The following MCF2 variants were observed in gnomAD, a reference collection of about 807,000 sequenced individuals.
MCF2 encodes the protein proto-oncogene DBL.
MCF2 carries 44 observed loss-of-function variants against 82.5 expected under a neutral mutation model. The observed-to-expected ratio is 0.53, with a 90% confidence interval of 0.42 to 0.69. The LOEUF (loss-of-function observed/expected upper bound fraction) is 0.69. Among genes scored for constraint, MCF2 ranks in the 30% least tolerant of loss-of-function variants. The pLI is 0.00. For synonymous variants in MCF2, 217 were observed against 224.9 expected (o/e 0.96, Z 0.32); for missense variants, 623 against 663.1 (o/e 0.94, Z 0.66).
upstream of MCF2, among the ~76,000 whole-genome samples, chrX:139,645,000 C>T (rs781503485): frequency 1.0e-3 from 113 of 110,857 alleles, no homozygotes; most frequent in African/African-American, 2.8e-3. Context: ...AATTGTACCT[C>T]TCGTTATTTT....
chrX:139,623,795 T>C (rs1932588532), intron 6 of MCF2, among the ~76,000 whole-genome samples: 1 of 111,599 alleles, frequency 9.0e-6, no homozygotes, highest in African/African-American at 3.2e-5. Context: ...AAGAAATAAA[T>C]GGAGAGAAGG....
chrX:139,605,649 T>C, intron 13 of MCF2, 64 bp downstream of exon 17: 1 of 1,004,910 alleles, frequency 1.0e-6, no homozygotes, highest in Non-Finnish European at 1.4e-6. Flanking sequence ...CTAAACACTT[T>C]CTAATGAATG....
chrX:139,636,707 C>T (rs909821312), intron 1 of MCF2, among the ~76,000 whole-genome samples: 10 of 111,526 alleles, frequency 9.0e-5, no homozygotes, highest in African/African-American at 2.9e-4. Flanking sequence ...TAGCAGGGAA[C>T]AAAGTAGAAA....
At chrX:139,675,192 C>T (rs904211009) in intron 1 of MCF2, among the ~76,000 whole-genome samples, 6 of 108,202 alleles carry the variant, frequency 5.5e-5, no homozygotes, top group Admixed American at 2.9e-4. Flanking sequence ...TTCTAGTTCG[C>T]CATTCGTCTA....
intron 1 of MCF2, chrX:139,691,847 G>A: frequency 2.2e-6 from 2 of 911,185 alleles, no homozygotes; most frequent in Non-Finnish European, 3.1e-6. Context: ...GGCTGGGGAG[G>A]CAGCGGCTGA....
chrX:139,594,687 C>T (rs1929881833), intron 19 of MCF2, among the ~76,000 whole-genome samples: 1 of 109,745 alleles, frequency 9.1e-6, no homozygotes, highest in African/African-American at 3.3e-5. Flanking sequence ...ATGTCTAAAA[C>T]ACCAAAAGCA....
chrX:139,582,519 C>A lies in MCF2; in HGVS notation c.2746-16G>T. The A allele has an allele frequency of 8.5e-7, 1 of 1,173,670 alleles. No individual in the cohort carries two copies. Among genetic ancestry groups the A allele is most frequent in the Non-Finnish European group, 1.2e-6 (1 of 863,295 alleles). ...ACACAGGTCTCTACAAGGGAAGCAG[C>A]ACCCATTATTGCTCAGTTTACAACT... On this transcript the variant is annotated splice_polypyrimidine_tract_variant and intron_variant, in intron 24 of 24. Transcript: ENST00000370576.
intron 20 of MCF2, 25 bp downstream of exon 24, chrX:139,589,810 C>T (rs754074455): frequency 9.4e-7 from 1 of 1,068,058 alleles, no homozygotes; most frequent in Non-Finnish European, 1.3e-6. Flanking sequence ...GTTTGGGTTT[C>T]TAGAAGAATT....
intron 1 of MCF2, among the ~76,000 whole-genome samples, chrX:139,665,599 C>T (rs1286054590): frequency 5.4e-5 from 6 of 110,669 alleles, no homozygotes; most frequent in Non-Finnish European, 1.1e-4. Context: ...CTACCCTCTT[C>T]AGTGCCTCTT....
chrX:139,693,947 T>C (rs770667399), intron 1 of MCF2, among the ~76,000 whole-genome samples: 5 of 112,112 alleles, frequency 4.5e-5, no homozygotes, highest in African/African-American at 6.5e-5. Flanking sequence ...TGCAAAACAA[T>C]ATTTATTGTT....
chrX:139,690,489 G>A (rs1233231081), intron 1 of MCF2, among the ~76,000 whole-genome samples: 1 of 109,589 alleles, frequency 9.1e-6, no homozygotes, highest in African/African-American at 3.3e-5. Flanking sequence ...TCTTAAGACC[G>A]GAACTAGTTT....
At chrX:139,622,442 G>T (rs1481356331) in intron 6 of MCF2, among the ~76,000 whole-genome samples, 2 of 111,728 alleles carry the variant, frequency 1.8e-5, no homozygotes. Flanking sequence ...TATGTTTATT[G>T]TGGCACTATT....
chrX:139,669,517 CA>C (rs1448214518), intron 1 of MCF2, among the ~76,000 whole-genome samples: 1 of 112,019 alleles, frequency 8.9e-6, no homozygotes, highest in Non-Finnish European at 1.9e-5. Context: ...ATAGATTTAC[CA>C]CATGTCCCAG....
exon 2 of MCF2, chrX:139,632,439 T>C: frequency 8.3e-7 from 1 of 1,201,419 alleles, no homozygotes; most frequent in Non-Finnish European, 1.1e-6. Flanking sequence ...AAGTGCAAGT[T>C]CCCAGGGAAG....
At chrX:139,607,664 G>A (rs376504273) in intron 12 of MCF2, 27 bp downstream of exon 16, 11 of 1,043,783 alleles carry the variant, frequency 1.1e-5, no homozygotes, top group Non-Finnish European at 1.5e-5. Flanking sequence ...ATGTGTATGT[G>A]AGTTTATATT....
chrX:139,632,412 G>A, exon 2 of MCF2: 1 of 1,204,727 alleles, frequency 8.3e-7, no homozygotes, highest in South Asian at 1.8e-5. Flanking sequence ...AAGCTGGTAG[G>A]ACGTAAAACC....
At chrX:139,658,497 A>G (rs1359756552) in intron 1 of MCF2, among the ~76,000 whole-genome samples, 1 of 110,557 alleles carries the variant, frequency 9.0e-6, no homozygotes, top group African/African-American at 3.3e-5. Context: ...AATTAAGTTC[A>G]CAAATATAAA....
At chrX:139,656,140 C>G (rs764385619) in intron 1 of MCF2, among the ~76,000 whole-genome samples, 1 of 112,335 alleles carries the variant, frequency 8.9e-6, no homozygotes, top group East Asian at 2.8e-4. Flanking sequence ...CGGCTCACTG[C>G]AAGCTCTGCC....
intron 1 of MCF2, among the ~76,000 whole-genome samples, chrX:139,641,678 ATTTAAAGCC>A (rs2148513179): frequency 9.0e-6 from 1 of 111,560 alleles, no homozygotes; most frequent in East Asian, 2.8e-4. Context: ...AAAGAGTGGC[ATTTAAAGCC>A]TTTTTGATGA....
Sources: allele counts gnomAD v4.1 joint callset (sites outside exome capture counted in the v4.1 genomes callset), GRCh38; gene constraint gnomAD v4.1.1; transcripts MANE v1.5; gene names NCBI Gene and HGNC (gene_info 2026-07-23, HGNC 2026-07-21).